SUPT5H: variants seen among roughly 807,000 people sequenced by gnomAD.
SUPT5H encodes SPT5 homolog, DSIF elongation factor subunit.
In SUPT5H, 24 loss-of-function variants were observed where a neutral mutation model predicts 142.5. The observed-to-expected ratio is 0.17, with a 90% CI of 0.12 to 0.24. The LOEUF is 0.24. Among genes scored for constraint, SUPT5H ranks in the 10% least tolerant of loss-of-function variants. The pLI, the probability that SUPT5H is intolerant of heterozygous loss-of-function variation, is 1.00. For synonymous variants in SUPT5H, 546 were observed against 553.0 expected (o/e 0.99, Z 0.18); for missense variants, 893 against 1,471.8 (o/e 0.61, Z 6.43).
intron 3 of SUPT5H, among the ~76,000 whole-genome samples, chr19:39,454,349 TGTC>T (rs2079058505): frequency 1.5e-5 from 2 of 131,266 alleles, no homozygotes; most frequent in African/African-American, 6.2e-5. Flanking sequence ...ATTTTGTTGT[TGTC>T]GTTGTTTTTT....
chr19:39,474,059 A>G lies in SUPT5H; in HGVS notation c.2589A>G (p.Pro863=). Residue 863 remains proline (P), a synonymous_variant, in exon 26 of 30, where the codon CCA becomes CCG. Coordinates refer to ENST00000432763, the MANE Select transcript of SUPT5H (RefSeq NM_001111020.3). The surrounding 1 kb of genome is among the most constrained non-coding windows in gnomAD (Gnocchi z 6.5). ...CCAATCCCCAAACACCTGGCTACCC[A>G]GACCCCTCGTCCCCACAGGTCAACC... The part of the protein sequence containing the change: ...GTPNPQTPGY[P]DPSSPQVNPQ... 1 of 1,610,836 alleles carries G rather than the reference A, an allele frequency of 6.2e-7. No individual in the cohort carries two copies. Among genetic ancestry groups the G allele is most frequent in the African/African-American group, 1.3e-5 (1 of 74,932 alleles).
chr19:39,469,748 G>A lies in SUPT5H; in HGVS notation c.1374+350G>A. 1 of 489,056 alleles carries A rather than the reference G, an allele frequency of 2.0e-6. No individual in the cohort carries two copies. Among genetic ancestry groups the A allele is most frequent in the South Asian group, 2.2e-5 (1 of 45,824 alleles). 30.3% of individuals were successfully genotyped at this position (489,056 alleles called of 1,614,324 possible). On this transcript the variant is annotated intron_variant, in intron 16 of 29. Coordinates refer to ENST00000432763, the MANE Select transcript of SUPT5H (RefSeq NM_001111020.3). The surrounding 1 kb of genome is among the most constrained non-coding windows in gnomAD (Gnocchi z 5.1). ...GGGTGTGTGTTTGTCTGTGTCTGGT[G>A]TATGTCTGAGGGGTTGTGCAGGCCC...
intron 2 of SUPT5H, 111 bp downstream of exon 2, chr19:39,446,076 C>A: frequency 8.6e-7 from 1 of 1,169,180 alleles, no homozygotes; most frequent in Non-Finnish European, 1.2e-6. Flanking sequence ...CTTCTGGGAA[C>A]TCCCAGATTG....
chr19:39,468,847 G>T lies in SUPT5H; in HGVS notation c.1129G>T (p.Ala377Ser), dbSNP rs996288453. The change falls in exon 14 of 30, where the codon GCC becomes TCC. Residue 377 changes from alanine (A) to serine (S), a missense_variant. By Grantham distance (99) the Ala-to-Ser change is moderately conservative. This residue lies in a region of SUPT5H where 428 missense variants were observed against 763.5 expected (regional missense o/e 0.56). Coordinates refer to ENST00000432763, the MANE Select transcript of SUPT5H (RefSeq NM_001111020.3). ...SRKGFLFKSF[A>S]MSAVITEGVK... ...GAAGGGCTTTCTGTTCAAGAGCTTC[G>T]CCATGTCTGCTGTGGTGAGGGTCCC... 3 of 1,613,982 alleles carry T rather than the reference G, an allele frequency of 1.9e-6. No homozygotes were observed. The highest frequency in any genetic ancestry group is 1.7e-5 in the Admixed American group (1 of 60,002).
In SUPT5H at chr19:39,476,430, GAA is replaced by G; in HGVS notation, c.*32_*33del. Reference sequence around the variant, plus strand: ...GCAGGGCCGGTGGACTTCGTCGGATGAAGAGTGATCCTCCTTCCTTCCCTGGC... The same window carrying G: ...GCAGGGCCGGTGGACTTCGTCGGATGGAGTGATCCTCCTTCCTTCCCTGGC... On this transcript the variant is annotated 3_prime_UTR_variant, in exon 30 of 30. Coordinates refer to ENST00000432763, the MANE Select transcript of SUPT5H (RefSeq NM_001111020.3). 1 of 1,612,666 alleles carries G rather than the reference GAA, an allele frequency of 6.2e-7. No individual in the cohort carries two copies. Among genetic ancestry groups the G allele is most frequent in the Non-Finnish European group, 8.5e-7 (1 of 1,179,786 alleles).
rs1180413510 is a variant in SUPT5H at position 39,472,310 on chromosome 19, G to C, written c.1951-99G>C. 1.8e-6 allele frequency: 2 copies of C among 1,132,896 alleles called. No individual in the cohort carries two copies. Among genetic ancestry groups the C allele is most frequent in the Non-Finnish European group, 2.6e-6 (2 of 756,954 alleles). 70.2% of individuals were successfully genotyped at this position (1,132,896 alleles called of 1,614,324 possible). On this transcript the variant is annotated intron_variant, in intron 20 of 29. Transcript: ENST00000432763. The surrounding 1 kb of genome is among the most constrained non-coding windows in gnomAD (Gnocchi z 4.2). ...TTCAGGCCTGGGGTGTGGGTGGCTG[G>C]GTGGTCTCCTCAGGGCCCTGCACGT... is the stretch of plus-strand genomic sequence containing the variant.
chr19:39,458,239 C>T lies in SUPT5H; in HGVS notation c.308-55C>T. The T allele has an allele frequency of 4.8e-6, 4 of 836,496 alleles. No homozygotes were observed. The highest frequency in any genetic ancestry group is 7.2e-6 in the Non-Finnish European group (4 of 553,060). The allele number at this position is 836,496 out of a possible 1,614,324, so 51.8% of individuals were successfully genotyped here. A position where few individuals can be genotyped will look rare whatever the true frequency, so the allele number is the denominator to read the frequency against. On this transcript the variant is annotated intron_variant, in intron 4 of 29. Transcript: ENST00000432763. The surrounding 1 kb of genome is among the most constrained non-coding windows in gnomAD (Gnocchi z 4.2). ...TACTTTGTCTGCCCTCGCCCACCAC[C>T]ACCACCACCACCACCACCACCACCA...
At position 39,473,019 on chromosome 19, in the gene SUPT5H, C is replaced by G. The variant is rs753001876; in HGVS notation, c.2163C>G (p.Ile721Met). 1.2e-6 allele frequency: 2 copies of G among 1,613,592 alleles called. No homozygotes were observed. The highest frequency in any genetic ancestry group is 1.7e-5 in the Admixed American group (1 of 59,978). ...RISQGPYKGY[I>M]GVVKDATEST... ...CCTCCTGTCCCCCTGCAGGCTACATCGGTGTGGTGAAAGATGCCACAGAGT... is the reference window on the plus strand; with the variant it reads ...CCTCCTGTCCCCCTGCAGGCTACATGGGTGTGGTGAAAGATGCCACAGAGT... Residue 721 changes from isoleucine to methionine, a missense_variant, in exon 23 of 30, where the codon ATC (isoleucine) becomes ATG (methionine). Around this residue, in one of 6 missense-constraint regions of SUPT5H, gnomAD observed 336 missense variants for 546.5 expected, o/e 0.61. Transcript: ENST00000432763. The surrounding 1 kb of genome is among the most constrained non-coding windows in gnomAD (Gnocchi z 5.8).
In SUPT5H at chr19:39,466,386, G is replaced by T; in HGVS notation, c.877-94G>T. The T allele has an allele frequency of 8.4e-7, 1 of 1,190,426 alleles. No homozygotes were observed. Among genetic ancestry groups the T allele is most frequent in the Non-Finnish European group, 1.2e-6 (1 of 806,904 alleles). The allele number at this position is 1,190,426 out of a possible 1,614,324, so 73.7% of individuals were successfully genotyped here. On this transcript the variant is annotated intron_variant, in intron 11 of 29. Coordinates refer to ENST00000432763, the MANE Select transcript of SUPT5H (RefSeq NM_001111020.3). This position sits in a 1 kb window ranked among gnomAD's most constrained non-coding sequence, Gnocchi z 4.3. Reference sequence around the variant, plus strand: ...CCTGGTTTCTTCCCCACCATCCTGCGTCCCTTCTCCTTCCTAGCATCTCCT... The same window carrying T: ...CCTGGTTTCTTCCCCACCATCCTGCTTCCCTTCTCCTTCCTAGCATCTCCT...
chr19:39,473,169 G>T lies in SUPT5H; in HGVS notation c.2259-34G>T, dbSNP rs200817619. On this transcript the variant is annotated intron_variant, in intron 23 of 29. Transcript: ENST00000432763. The surrounding 1 kb of genome is among the most constrained non-coding windows in gnomAD (Gnocchi z 5.8). ...TGGGGCTTGCTAGGCAGTGAGAGGG[G>T]TCTGCTCACCCCATTTGTTCTCTGC... is the stretch of plus-strand genomic sequence containing the variant. The T allele has an allele frequency of 1.8e-3, 2,907 of 1,610,860 alleles. 4 individuals are homozygous for T. The highest frequency in any genetic ancestry group is 2.2e-3 in the Non-Finnish European group (2,617 of 1,179,690).
chr19:39,476,656 C>G lies in SUPT5H; in HGVS notation c.*257C>G. The G allele has an allele frequency of 2.0e-6, 1 of 511,280 alleles. No homozygotes were observed. The highest frequency in any genetic ancestry group is 3.3e-5 in the Admixed American group (1 of 30,448). The allele number at this position is 511,280 out of a possible 1,614,324, so 31.7% of individuals were successfully genotyped here. On this transcript the variant is annotated 3_prime_UTR_variant, in exon 30 of 30. Coordinates refer to ENST00000432763, the MANE Select transcript of SUPT5H (RefSeq NM_001111020.3). The stretch of plus-strand genomic sequence containing the variant: ...TGTACCGTCTTTCAATAAAAAGAAG[C>G]TGTTTGGTCTAAAAGTGCGTGTGTG...
chr19:39,457,918 G>C, intron 4 of SUPT5H, 178 bp downstream of exon 4: 1 of 1,164,172 alleles, frequency 8.6e-7, no homozygotes, highest in Non-Finnish European at 1.2e-6. Flanking sequence ...TTAGGCCCAT[G>C]AGTGGGGGGT....
At position 39,471,689 on chromosome 19, in the gene SUPT5H, G is replaced by C; in HGVS notation, c.1909G>C (p.Val637Leu). 6.2e-7 allele frequency: 1 copy of C among 1,614,206 alleles called. No homozygotes were observed. Among genetic ancestry groups the C allele is most frequent in the Non-Finnish European group, 8.5e-7 (1 of 1,180,040 alleles). Residue 637 changes from valine (V) to leucine (L), a missense_variant, in exon 20 of 30, where the codon GTC becomes CTC. By Grantham distance (32) the Val-to-Leu change is conservative (BLOSUM62 1). Coordinates refer to ENST00000432763, the MANE Select transcript of SUPT5H (RefSeq NM_001111020.3). ...ACTGGTGGAGAACGGGGGCATGTTT[G>C]TCTGCAAGACCCGCCACCTGGTGCT... Reference protein sequence around the residue: ...KKLVENGGMFVCKTRHLVLAG... With the variant: ...KKLVENGGMFLCKTRHLVLAG...
intron 18 of SUPT5H, among the ~76,000 whole-genome samples, chr19:39,471,123 G>A (rs910564103): frequency 4.6e-5 from 7 of 152,104 alleles, no homozygotes; most frequent in Admixed American, 2.6e-4. Context: ...TTGCCCAATC[G>A]GGGGTGGAGT....
intron 2 of SUPT5H, among the ~76,000 whole-genome samples, chr19:39,452,740 G>A (rs2079036242): frequency 6.6e-6 from 1 of 152,100 alleles, no homozygotes; most frequent in Non-Finnish European, 1.5e-5. Context: ...GCCAGGTGCT[G>A]TGGCTCACAC....
At position 39,472,850 on chromosome 19, in the gene SUPT5H, T is replaced by C. The variant is rs776458215; in HGVS notation, c.2076T>C (p.Gly692=). 1 of 1,613,586 alleles carries C rather than the reference T, an allele frequency of 6.2e-7. No individual in the cohort carries two copies. Among genetic ancestry groups the C allele is most frequent in the Non-Finnish European group, 8.5e-7 (1 of 1,179,764 alleles). ...GGFGSPGGGS[G]GMSRGRGRRD... ...TTGGTAGCCCAGGTGGCGGCAGTGG[T>C]GGCATGAGCAGGGGCCGGGGCCGGA... The change falls in exon 22 of 30, where the codon GGT becomes GGC. Residue 692 remains glycine (G), a synonymous_variant. Coordinates refer to ENST00000432763, the MANE Select transcript of SUPT5H (RefSeq NM_001111020.3). This position sits in a 1 kb window ranked among gnomAD's most constrained non-coding sequence, Gnocchi z 4.2.
intron 10 of SUPT5H, among the ~76,000 whole-genome samples, chr19:39,463,051 T>C (rs1327487547): frequency 7.2e-6 from 1 of 138,464 alleles, no homozygotes; most frequent in Admixed American, 7.6e-5. Context: ...AGAGATGGGG[T>C]TTCACCATGT....
Position 39,458,948 on chromosome 19 carries a change from A to G in SUPT5H, c.390-57A>G. 6.2e-7 allele frequency: 1 copy of G among 1,614,066 alleles called. No homozygotes were observed. The highest frequency in any genetic ancestry group is 1.3e-5 in the African/African-American group (1 of 75,048). On this transcript the variant is annotated intron_variant, in intron 6 of 29. Transcript: ENST00000432763. This position sits in a 1 kb window ranked among gnomAD's most constrained non-coding sequence, Gnocchi z 4.2. ...CTGTGGGGAGATTTGGGAGTAGGTC[A>G]GCCCACCTGCTGTCCTCAACCTTCA...
intron 11 of SUPT5H, 151 bp downstream of exon 11, chr19:39,465,200 A>C (rs2079218824): frequency 8.2e-7 from 1 of 1,220,506 alleles, no homozygotes; most frequent in Non-Finnish European, 1.1e-6. Context: ...AGCACACAGG[A>C]AACGGTTGGC....
Sources: allele counts gnomAD v4.1 joint callset (sites outside exome capture counted in the v4.1 genomes callset), GRCh38; gene constraint gnomAD v4.1.1; regional missense constraint gnomAD v4.1.1; non-coding constraint Gnocchi (gnomAD v3.1); transcripts MANE v1.5; gene names NCBI Gene and HGNC (gene_info 2026-07-23, HGNC 2026-07-21).